OSBPL6: variants seen among roughly 807,000 people sequenced by gnomAD.
The protein encoded by OSBPL6 is oxysterol-binding protein-related protein 6.
A neutral mutation model predicts 125.8 loss-of-function variants in OSBPL6; 49 were observed. The ratio of observed to expected loss-of-function variants is 0.39; its 90% CI spans 0.31 to 0.49. The LOEUF (loss-of-function observed/expected upper bound fraction) is 0.49. Ranked by LOEUF, OSBPL6 falls within the 20% of genes least tolerant of loss-of-function variation. The pLI, the probability that OSBPL6 is intolerant of heterozygous loss-of-function variation, is 0.88. For synonymous variants in OSBPL6, 394 were observed against 391.8 expected (o/e 1.01, Z -0.07); for missense variants, 986 against 1,135.4 (o/e 0.87, Z 1.89).
chr2:178,395,355 C>T, intron 24 of OSBPL6, 96 bp from the exon 25 acceptor site: 1 of 792,054 alleles, frequency 1.3e-6, no homozygotes, highest in Non-Finnish European at 2.1e-6. Context: ...CTTACAAACA[C>T]TGCTTATATG....
chr2:178,397,998 G>A lies in OSBPL6; in HGVS notation c.*2439G>A, dbSNP rs1001545832. ...ATAGTCTGATTATTCCAATTCAAGT[G>A]TTCAGTTAAGTTTTAGTTACTATTC... On this transcript the variant is annotated 3_prime_UTR_variant, in exon 25 of 25. Coordinates refer to ENST00000190611, the MANE Select transcript of OSBPL6 (RefSeq NM_032523.4). 1 of 152,140 alleles carries A rather than the reference G, an allele frequency of 6.6e-6. No individual in the cohort carries two copies. Among genetic ancestry groups the A allele is most frequent in the South Asian group, 2.1e-4 (1 of 4,828 alleles). 9.4% of individuals were successfully genotyped at this position (152,140 alleles called of 1,614,324 possible).
At chr2:178,207,584 T>A (rs1211455685) in intron 1 of OSBPL6, among the ~76,000 whole-genome samples, 2 of 152,070 alleles carry the variant, frequency 1.3e-5, no homozygotes, top group Non-Finnish European at 2.9e-5. Context: ...CTGCAGTTGG[T>A]TTTTCCAGCT....
intron 1 of OSBPL6, among the ~76,000 whole-genome samples, chr2:178,205,344 A>G (rs2153943715): frequency 6.6e-6 from 1 of 152,332 alleles, no homozygotes; most frequent in African/African-American, 2.4e-5. Context: ...TATGGTGTGG[A>G]CAATGGCTGT....
chr2:178,289,756 A>C (rs1355965756), intron 2 of OSBPL6, among the ~76,000 whole-genome samples: 3 of 152,200 alleles, frequency 2.0e-5, no homozygotes, highest in African/African-American at 4.8e-5. Context: ...TCACTTGTTG[A>C]AGTTAAGCCA....
chr2:178,266,385 G>A (rs1017525699), intron 1 of OSBPL6, among the ~76,000 whole-genome samples: 6 of 152,212 alleles, frequency 3.9e-5, no homozygotes, highest in Admixed American at 1.3e-4. Context: ...CAGTGAGCTG[G>A]TGTCTCAGAA....
intron 1 of OSBPL6, among the ~76,000 whole-genome samples, chr2:178,255,872 A>G (rs899713930): frequency 3.3e-5 from 5 of 152,088 alleles, no homozygotes; most frequent in African/African-American, 1.2e-4. Flanking sequence ...AGAACTTTGG[A>G]GGGTAAAATG....
intron 1 of OSBPL6, among the ~76,000 whole-genome samples, chr2:178,198,740 G>T (rs187357935): frequency 6.6e-6 from 1 of 152,212 alleles, no homozygotes; most frequent in African/African-American, 2.4e-5. Flanking sequence ...CTGTAATATG[G>T]ACATACTATT....
Position 178,205,600 on chromosome 2 carries a change from T to A in OSBPL6, c.-351+10926T>A, listed in dbSNP as rs1341721849. ...ATGATAAAGGAAAACAATAGACAAA[T>A]GGGACTTTACTGAAGGATCTTTTCA... On this transcript the variant is annotated intron_variant, in intron 1 of 24. Transcript: ENST00000190611. Among the ~76,000 whole-genome samples, 4 of 152,096 alleles carry A rather than the reference T, an allele frequency of 2.6e-5. No homozygotes were observed. In the East Asian group the frequency reaches 7.7e-4, roughly 29 times the overall value.
chr2:178,283,572 T>C (rs555028368), intron 1 of OSBPL6, among the ~76,000 whole-genome samples: 16 of 149,676 alleles, frequency 1.1e-4, no homozygotes, highest in Non-Finnish European at 2.2e-4. Flanking sequence ...TTGTCACATT[T>C]TTCTCTTATC....
chr2:178,240,413 A>G (rs1441892705), intron 1 of OSBPL6, among the ~76,000 whole-genome samples: 3 of 152,084 alleles, frequency 2.0e-5, no homozygotes, highest in Non-Finnish European at 4.4e-5. Flanking sequence ...TACTAAAAAT[A>G]CGAAAATTAG....
intron 2 of OSBPL6, among the ~76,000 whole-genome samples, chr2:178,286,261 C>G (rs1268876921): frequency 6.6e-6 from 1 of 152,154 alleles, no homozygotes; most frequent in East Asian, 1.9e-4. Context: ...ATCCTAGTAA[C>G]TGTACTTTGC....
At chr2:178,324,720 A>G (rs1004372199) in intron 4 of OSBPL6, among the ~76,000 whole-genome samples, 1 of 152,224 alleles carries the variant, frequency 6.6e-6, no homozygotes, top group Non-Finnish European at 1.5e-5. Context: ...AGCTCCACAC[A>G]GTGTAGGTAT....
chr2:178,330,485 G>A (rs1475486745), intron 5 of OSBPL6, among the ~76,000 whole-genome samples: 1 of 152,166 alleles, frequency 6.6e-6, no homozygotes, highest in Non-Finnish European at 1.5e-5. Context: ...TTAATCAAGT[G>A]TTTTTCAACC....
At chr2:178,311,863 A>G (rs1403924625) in intron 3 of OSBPL6, among the ~76,000 whole-genome samples, 2 of 152,252 alleles carry the variant, frequency 1.3e-5, no homozygotes, top group Non-Finnish European at 2.9e-5. Context: ...AATCATGTGA[A>G]GGACAAAAGC....
chr2:178,333,324 G>T (rs1287096158), intron 8 of OSBPL6, among the ~76,000 whole-genome samples: 3 of 152,216 alleles, frequency 2.0e-5, no homozygotes, highest in Admixed American at 6.5e-5. Flanking sequence ...GGCGGAGGTT[G>T]TAGTGAGCCA....
rs1478648727 is a variant in OSBPL6 at position 178,361,705 on chromosome 2, T to C, written c.1177T>C (p.Phe393Leu). Residue 393 changes from phenylalanine (F) to leucine (L), a missense_variant, in exon 13 of 25, where the codon TTT becomes CTT. This residue lies in a region of OSBPL6 where 843 missense variants were observed against 997.3 expected (regional missense o/e 0.85). Transcript: ENST00000190611. ...QKVHSLLKSA[F>L]NSIAIEKEKL... is the part of the protein sequence containing the mutation. ...AGTGCATTCTCTTTTGAAGTCTGCA[T>C]TTAATAGCATAGCTATAGAGAAGGA... The C allele has an allele frequency of 6.2e-7, 1 of 1,614,138 alleles. No individual in the cohort carries two copies. Among genetic ancestry groups the C allele is most frequent in the Non-Finnish European group, 8.5e-7 (1 of 1,179,974 alleles).
chr2:178,258,243 G>A (rs918121856), intron 1 of OSBPL6, among the ~76,000 whole-genome samples: 12 of 152,108 alleles, frequency 7.9e-5, no homozygotes, highest in African/African-American at 2.7e-4. Flanking sequence ...TGGGATTACA[G>A]GCGTGTGCCA....
At chr2:178,387,896 C>T (rs543751868) in intron 20 of OSBPL6, among the ~76,000 whole-genome samples, 4 of 151,748 alleles carry the variant, frequency 2.6e-5, no homozygotes, top group South Asian at 2.1e-4. Flanking sequence ...CCCAGCTACT[C>T]GGGAGGCTGA....
At chr2:178,198,263 A>G (rs185277636) in intron 1 of OSBPL6, among the ~76,000 whole-genome samples, 20 of 152,340 alleles carry the variant, frequency 1.3e-4, no homozygotes, top group Admixed American at 9.8e-4. Flanking sequence ...GTATTTGACT[A>G]TAATGAAAAG....
Sources: gnomAD v4.1 joint callset for allele counts (sites outside exome capture counted in the v4.1 genomes callset) on GRCh38, gnomAD v4.1.1 for gene constraint, gnomAD v4.1.1 regional missense constraint, MANE v1.5 for transcripts, NCBI Gene and HGNC (gene_info 2026-07-23, HGNC 2026-07-21) for gene names.